The following NDUFA8 variants were observed in gnomAD, a reference collection of about 807,000 sequenced individuals.
The protein encoded by NDUFA8 is NADH dehydrogenase [ubiquinone] 1 alpha subcomplex subunit 8.
Under a neutral mutation model 20.9 loss-of-function variants are expected in NDUFA8, and 16 were observed. The observed-to-expected ratio is 0.77, with a 90% CI of 0.52 to 1.16. NDUFA8 has a LOEUF of 1.16. NDUFA8 is among the 50% of genes most tolerant of loss of function. The pLI, the probability that NDUFA8 is intolerant of heterozygous loss-of-function variation, is 0.00. For synonymous variants in NDUFA8, 70 were observed against 76.1 expected (o/e 0.92, Z 0.41); for missense variants, 202 against 216.4 (o/e 0.93, Z 0.42).
chr9:122,150,499 G>A (rs546686166), intron 2 of NDUFA8, among the ~76,000 whole-genome samples: 1 of 150,414 alleles, frequency 6.6e-6, no homozygotes, highest in Admixed American at 6.6e-5. Flanking sequence ...CTCACTGTTA[G>A]GAAATTTATG....
At position 122,144,335 on chromosome 9, in the gene NDUFA8, T is replaced by C. The variant is rs930411461; in HGVS notation, c.425A>G (p.Tyr142Cys). 1.9e-6 allele frequency: 3 copies of C among 1,614,168 alleles called. No homozygotes were observed. Among genetic ancestry groups the C allele is most frequent in the Admixed American group, 3.3e-5 (2 of 60,020 alleles). ...KTDRPLPENP[Y>C]HSRPRPDPSP... ...GGGATCCGGTCTTGGTCTTGAGTGA[T>C]AGGGATTCTCCGGTAAAGGTCGATC... The change falls in exon 4 of 4, where the codon TAT becomes TGT. Residue 142 changes from tyrosine (Y) to cysteine (C), a missense_variant. Coordinates refer to ENST00000373768, the MANE Select transcript of NDUFA8 (RefSeq NM_014222.3).
At position 122,144,105 on chromosome 9, in the gene NDUFA8, C is replaced by G. The variant is rs189430620; in HGVS notation, c.*136G>C. On this transcript the variant is annotated 3_prime_UTR_variant, in exon 4 of 4. Coordinates refer to ENST00000373768, the MANE Select transcript of NDUFA8 (RefSeq NM_014222.3). ...ACAGGAAATGGTATAGAATAACTGC[C>G]AAGTCACATAAGTTAACTTTTTTGT... The G allele has an allele frequency of 1.3e-6, 2 of 1,539,330 alleles. No individual in the cohort carries two copies. Among genetic ancestry groups the G allele is most frequent in the East Asian group, 4.8e-5 (2 of 41,506 alleles).
intron 2 of NDUFA8, among the ~76,000 whole-genome samples, chr9:122,148,841 C>T (rs1007812926): frequency 2.6e-5 from 4 of 152,124 alleles, no homozygotes; most frequent in African/African-American, 7.2e-5. Flanking sequence ...AGATATTAAT[C>T]CTTGCTATCA....
At chr9:122,153,168 G>A (rs1234065741) in intron 1 of NDUFA8, among the ~76,000 whole-genome samples, 1 of 151,702 alleles carries the variant, frequency 6.6e-6, no homozygotes, top group African/African-American at 2.4e-5. Flanking sequence ...TAGGGAGGTT[G>A]AGGCATGAGA....
intron 1 of NDUFA8, among the ~76,000 whole-genome samples, chr9:122,158,823 A>C (rs1829125263): frequency 6.6e-6 from 1 of 151,418 alleles, no homozygotes; most frequent in South Asian, 2.1e-4. Flanking sequence ...ATATATATAT[A>C]TCCTACCTTA....
At chr9:122,155,438 T>G (rs1481780503) in intron 1 of NDUFA8, among the ~76,000 whole-genome samples, 1 of 152,228 alleles carries the variant, frequency 6.6e-6, no homozygotes. Context: ...CAAGGAAAGA[T>G]GACAAGAGTA....
rs534520439 is a variant in NDUFA8, at chr9:122,159,673, G to C, written c.5C>G (p.Pro2Arg). Residue 2 changes from proline to arginine, a missense_variant, in exon 1 of 4, where the codon CCG (proline) becomes CGG (arginine). Coordinates refer to ENST00000373768, the MANE Select transcript of NDUFA8 (RefSeq NM_014222.3). M[P>R]GIVELPTLEE... ...TAGAGTGGGCAGCTCCACTATCCCC[G>C]GCATGACGGCTGCAGCCCCGACCCC... is the stretch of plus-strand genomic sequence containing the variant. The C allele has an allele frequency of 1.2e-6, 2 of 1,614,102 alleles. No homozygotes were observed. The highest frequency in any genetic ancestry group is 4.5e-5 in the East Asian group (2 of 44,868).
At chr9:122,139,883 G>C (rs1211210101), downstream of NDUFA8, among the ~76,000 whole-genome samples, 1 of 152,140 alleles carries the variant, frequency 6.6e-6, no homozygotes, top group Admixed American at 6.5e-5. Flanking sequence ...TAGTAGAGAA[G>C]GGTTTCCTCA....
At chr9:122,156,753 C>T (rs1402403859) in intron 1 of NDUFA8, among the ~76,000 whole-genome samples, 1 of 152,256 alleles carries the variant, frequency 6.6e-6, no homozygotes, top group Admixed American at 6.5e-5. Flanking sequence ...CCTTCCCTAC[C>T]TCCAATATCT....
Position 122,159,736 on chromosome 9 carries a change from G to A in NDUFA8, c.-59C>T. 6.2e-7 allele frequency: 1 copy of A among 1,612,096 alleles called. No homozygotes were observed. Reference sequence around the variant, plus strand: ...TCAGCCGCGTCGCCCCCGTCTCCTTGAACTCCCCTTTCGACCGCCGAGTGC... The same window carrying A: ...TCAGCCGCGTCGCCCCCGTCTCCTTAAACTCCCCTTTCGACCGCCGAGTGC... On this transcript the variant is annotated 5_prime_UTR_variant, in exon 1 of 4. Coordinates refer to ENST00000373768, the MANE Select transcript of NDUFA8 (RefSeq NM_014222.3).
the NDUFA8 span, chr9:122,132,893 C>T: frequency 2.2e-6 from 1 of 455,886 alleles, no homozygotes; most frequent in Non-Finnish European, 4.4e-6. Context: ...GTTCTCCCAG[C>T]TCCACCAGGG....
intron 1 of NDUFA8, among the ~76,000 whole-genome samples, chr9:122,157,126 T>G (rs1431489598): frequency 6.6e-6 from 1 of 152,182 alleles, no homozygotes; most frequent in Non-Finnish European, 1.5e-5. Flanking sequence ...GACTGACTAT[T>G]TACTGTTCTC....
At chr9:122,138,056 C>T in the NDUFA8 span, among the ~76,000 whole-genome samples, 2 of 152,148 alleles carry the variant, frequency 1.3e-5, no homozygotes, top group African/African-American at 4.8e-5. Context: ...GCTGTGTGTT[C>T]AACAATCAAA....
At chr9:122,146,343 T>C (rs1828904651) in intron 3 of NDUFA8, among the ~76,000 whole-genome samples, 1 of 152,180 alleles carries the variant, frequency 6.6e-6, no homozygotes, top group African/African-American at 2.4e-5. Context: ...ATACAAAGAT[T>C]CAAGAATAAA....
chr9:122,159,541 G>A (rs1242396215), intron 1 of NDUFA8, 86 bp downstream of exon 1: 1 of 1,542,356 alleles, frequency 6.5e-7, no homozygotes, highest in Non-Finnish European at 9.0e-7. Flanking sequence ...CGGGTCCCAG[G>A]ATCCGCGGAG....
downstream of NDUFA8, among the ~76,000 whole-genome samples, chr9:122,140,702 T>G (rs1454019565): frequency 6.6e-6 from 1 of 152,230 alleles, no homozygotes; most frequent in Non-Finnish European, 1.5e-5. Flanking sequence ...AAATACAGTC[T>G]TATAACAATG....
At chr9:122,148,411 CACTT>C (rs1205667548) in intron 2 of NDUFA8, 134 bp from the exon 3 acceptor site, 7 of 993,044 alleles carry the variant, frequency 7.0e-6, no homozygotes, top group South Asian at 2.7e-5. Flanking sequence ...ATTCTTATCT[CACTT>C]ACAAGACAAC....
At chr9:122,138,753 T>TG in the NDUFA8 span, among the ~76,000 whole-genome samples, 29,415 of 150,688 alleles carry the variant, frequency 0.2, 4,924 homozygotes, top group African/African-American at 0.46. Context: ...AGGGTGCTTC[T>TG]AACACGGAGG....
downstream of NDUFA8, among the ~76,000 whole-genome samples, chr9:122,143,662 C>G (rs192760859): frequency 3.4e-3 from 519 of 152,252 alleles, 8 homozygotes; most frequent in African/African-American, 0.012. Flanking sequence ...GGTGGAAGTT[C>G]GGTTCTTCAA....
Sources: gnomAD v4.1 joint callset for allele counts (sites outside exome capture counted in the v4.1 genomes callset) on GRCh38, gnomAD v4.1.1 for gene constraint, MANE v1.5 for transcripts, NCBI Gene and HGNC (gene_info 2026-07-23, HGNC 2026-07-21) for gene names.